Variants in C4orf17 observed in about 807,000 individuals in gnomAD.
C4orf17 encodes the protein chromosome 4 open reading frame 17.
Under a neutral mutation model 32.0 loss-of-function variants are expected in C4orf17, and 25 were observed. That is an observed-to-expected ratio of 0.78 (90% confidence interval 0.57 to 1.09). C4orf17 has a LOEUF of 1.09. C4orf17 is among the 50% of genes least tolerant of loss of function. The pLI is 0.00. For synonymous variants in C4orf17, 149 were observed against 145.8 expected (o/e 1.02, Z -0.16); for missense variants, 420 against 420.0 (o/e 1.00, Z 0.00).
chr4:99,540,270 C>A (rs1160401667), intron 7 of C4orf17, 142 bp from the exon 8 acceptor site: 1 of 521,646 alleles, frequency 1.9e-6, no homozygotes, highest in Non-Finnish European at 3.4e-6. Context: ...AAATTTAATA[C>A]TGTATGCATT....
At position 99,529,937 on chromosome 4, in the gene C4orf17, C is replaced by T. The variant is rs1349913852; in HGVS notation, c.525C>T (p.Asn175=). The T allele has an allele frequency of 5.6e-6, 9 of 1,609,826 alleles. No homozygotes were observed. Among genetic ancestry groups the T allele is most frequent in the South Asian group, 1.1e-5 (1 of 90,188 alleles). ...DVKANTICIP[N]YLDQEIKILA... ...AAGCAAACACCATTTGCATACCAAA[C>T]TATCTGGATCAGGAAATAAAAGTAA... is the stretch of plus-strand genomic sequence containing the variant. Residue 175 remains asparagine (N), a synonymous_variant, in exon 5 of 9, where the codon AAC becomes AAT. Coordinates refer to ENST00000326581, the MANE Select transcript of C4orf17 (RefSeq NM_032149.3).
intron 1 of C4orf17, among the ~76,000 whole-genome samples, 170 bp from the exon 2 acceptor site, chr4:99,512,819 A>G (rs188177254): frequency 3.9e-4 from 60 of 152,324 alleles, no homozygotes; most frequent in African/African-American, 1.4e-3. Flanking sequence ...AGATCCACCC[A>G]TGCCTATACT....
intron 4 of C4orf17, among the ~76,000 whole-genome samples, chr4:99,525,996 T>C (rs770977217): frequency 1.3e-5 from 2 of 152,224 alleles, no homozygotes; most frequent in Non-Finnish European, 2.9e-5. Flanking sequence ...TTTATCTCTG[T>C]ATTGTGCTTT....
intron 2 of C4orf17, among the ~76,000 whole-genome samples, chr4:99,519,799 G>T (rs758038534): frequency 1.8e-4 from 27 of 152,142 alleles, no homozygotes; most frequent in African/African-American, 5.8e-4. Flanking sequence ...TGAGGGACAG[G>T]CCAGGGCAGA....
At chr4:99,518,621 A>G (rs980101440) in intron 2 of C4orf17, among the ~76,000 whole-genome samples, 2 of 145,282 alleles carry the variant, frequency 1.4e-5, no homozygotes, top group African/African-American at 5.1e-5. Context: ...TGTTTATCCT[A>G]CACAAAATCC....
intron 4 of C4orf17, among the ~76,000 whole-genome samples, chr4:99,528,372 A>C (rs1482549873): frequency 6.6e-6 from 1 of 152,030 alleles, no homozygotes; most frequent in African/African-American, 2.4e-5. Context: ...TACATACTTT[A>C]TCTTATTGCT....
intron 2 of C4orf17, among the ~76,000 whole-genome samples, chr4:99,515,276 G>A (rs1414174841): frequency 6.6e-6 from 1 of 152,034 alleles, no homozygotes; most frequent in Non-Finnish European, 1.5e-5. Flanking sequence ...ATTCACAGCA[G>A]CAAAGACATG....
At position 99,513,062 on chromosome 4, in the gene C4orf17, A is replaced by G; in HGVS notation, c.-20A>G. The G allele has an allele frequency of 6.2e-7, 1 of 1,613,236 alleles. No individual in the cohort carries two copies. ...CTTTTGTGACAACAGTGAAGAGGGG[A>G]AAATAAACACACCACAAACATGAAC... On this transcript the variant is annotated 5_prime_UTR_variant, in exon 2 of 9. Coordinates refer to ENST00000326581, the MANE Select transcript of C4orf17 (RefSeq NM_032149.3).
At chr4:99,540,632 C>G (rs889462105) in intron 8 of C4orf17, 177 bp downstream of exon 8, 18 of 529,720 alleles carry the variant, frequency 3.4e-5, no homozygotes, top group African/African-American at 3.3e-4. Flanking sequence ...ATAAATTTAC[C>G]TTTGTTTTGA....
intron 3 of C4orf17, 75 bp downstream of exon 3, chr4:99,522,784 C>T: frequency 9.0e-7 from 1 of 1,110,266 alleles, no homozygotes; most frequent in Non-Finnish European, 1.3e-6. Flanking sequence ...CTATATGATG[C>T]TAAAATAGCT....
At chr4:99,534,903 G>A (rs1444702849) in intron 5 of C4orf17, among the ~76,000 whole-genome samples, 3 of 152,126 alleles carry the variant, frequency 2.0e-5, no homozygotes, top group East Asian at 3.9e-4. Flanking sequence ...TCCATATTTA[G>A]TGCTTCCTTC....
intron 1 of C4orf17, 42 bp from the exon 2 acceptor site, chr4:99,512,947 C>T: frequency 1.2e-6 from 1 of 847,174 alleles, no homozygotes; most frequent in Non-Finnish European, 1.8e-6. Flanking sequence ...AAGAAAGTGA[C>T]AAGAAACTCT....
At chr4:99,537,035 T>A (rs1160043023) in intron 5 of C4orf17, among the ~76,000 whole-genome samples, 1 of 152,030 alleles carries the variant, frequency 6.6e-6, no homozygotes, top group Non-Finnish European at 1.5e-5. Flanking sequence ...GTTGTCTGTT[T>A]ACCCCACCTC....
At chr4:99,518,333 C>T (rs548250048) in intron 2 of C4orf17, among the ~76,000 whole-genome samples, 10 of 150,616 alleles carry the variant, frequency 6.6e-5, no homozygotes, top group African/African-American at 1.5e-4. Context: ...GTGGGAGGAT[C>T]GCTTGAGGTG....
intron 2 of C4orf17, among the ~76,000 whole-genome samples, chr4:99,520,421 C>T (rs1373931498): frequency 6.6e-6 from 1 of 152,148 alleles, no homozygotes; most frequent in Admixed American, 6.5e-5. Context: ...TTAATTGAAA[C>T]TTTTTTTCCT....
At chr4:99,517,499 C>T (rs1578187002) in intron 2 of C4orf17, among the ~76,000 whole-genome samples, 1 of 152,050 alleles carries the variant, frequency 6.6e-6, no homozygotes, top group Non-Finnish European at 1.5e-5. Context: ...TCATCTTGAC[C>T]CCTTAGCTGC....
chr4:99,515,713 A>G (rs1319597107), intron 2 of C4orf17, among the ~76,000 whole-genome samples: 1 of 152,194 alleles, frequency 6.6e-6, no homozygotes, highest in Non-Finnish European at 1.5e-5. Context: ...AAAAGTTAAA[A>G]AAAGAACTTA....
chr4:99,525,719 G>A (rs952284456), intron 4 of C4orf17, among the ~76,000 whole-genome samples: 1 of 151,936 alleles, frequency 6.6e-6, no homozygotes, highest in Non-Finnish European at 1.5e-5. Flanking sequence ...GCTTGAATCC[G>A]GGAGGTGGAG....
chr4:99,511,776 G>A (rs1478387566), intron 1 of C4orf17, among the ~76,000 whole-genome samples: 1 of 152,144 alleles, frequency 6.6e-6, no homozygotes, highest in South Asian at 2.1e-4. Flanking sequence ...AGTCTAAAGT[G>A]TGATTTAAAC....
Sources: allele counts gnomAD v4.1 joint callset (sites outside exome capture counted in the v4.1 genomes callset), GRCh38; gene constraint gnomAD v4.1.1; transcripts MANE v1.5; gene names NCBI Gene and HGNC (gene_info 2026-07-23, HGNC 2026-07-21).